Variants in HSPBAP1 observed in about 807,000 individuals in gnomAD.
The protein encoded by HSPBAP1 is HSPB1-associated protein 1.
HSPBAP1 carries 27 observed loss-of-function variants against 45.2 expected under a neutral mutation model. The observed-to-expected ratio is 0.60, with a 90% CI of 0.44 to 0.82. The LOEUF (loss-of-function observed/expected upper bound fraction) is 0.82. Ranked by LOEUF, HSPBAP1 falls within the 40% of genes least tolerant of loss-of-function variation. The probability of loss-of-function intolerance (pLI) is 0.00; values close to 1 mark genes in which losing one functional copy is unlikely to be tolerated. For missense variants in HSPBAP1, 510 were observed against 590.9 expected (o/e 0.86, Z 1.42); for synonymous variants, 204 against 202.7 (o/e 1.01, Z -0.06).
At chr3:122,751,163 A>G (rs768687689) in intron 6 of HSPBAP1, among the ~76,000 whole-genome samples, 2 of 152,218 alleles carry the variant, frequency 1.3e-5, no homozygotes, top group Non-Finnish European at 2.9e-5. Context: ...GCCTACTGAT[A>G]TTCAGTTTTA....
intron 6 of HSPBAP1, among the ~76,000 whole-genome samples, chr3:122,747,331 G>C (rs1426974925): frequency 2.1e-4 from 32 of 148,886 alleles, no homozygotes; most frequent in Admixed American, 6.1e-4. Context: ...AGTGAGGAGC[G>C]TCTCTGCCCG....
At chr3:122,767,766 A>G (rs999572266) in intron 3 of HSPBAP1, among the ~76,000 whole-genome samples, 2 of 152,186 alleles carry the variant, frequency 1.3e-5, no homozygotes, top group Non-Finnish European at 1.5e-5. Flanking sequence ...TAAAAAAGAA[A>G]AATATACACT....
chr3:122,741,426 T>C, intron 6 of HSPBAP1: 1 of 289,120 alleles, frequency 3.5e-6, no homozygotes, highest in Non-Finnish European at 6.6e-6. Flanking sequence ...GTTTTTTTTT[T>C]AAAGTACCAC....
chr3:122,780,163 G>T (rs1334438389), intron 1 of HSPBAP1, among the ~76,000 whole-genome samples: 8 of 99,598 alleles, frequency 8.0e-5, no homozygotes, highest in Admixed American at 4.6e-4. Flanking sequence ...CCTCCTGGAC[G>T]GGGCGGCTGG....
In HSPBAP1 at chr3:122,782,317, A is replaced by G. The variant is rs150995592; in HGVS notation, c.65-4411T>C. On this transcript the variant is annotated intron_variant, in intron 1 of 7. Coordinates refer to ENST00000306103, the MANE Select transcript of HSPBAP1 (RefSeq NM_024610.6). ...AAAAGATGTACTTAGATGGCAATCAATATTAATCCTTGGTTTCAACTGCAT... is the reference window on the plus strand; with the variant it reads ...AAAAGATGTACTTAGATGGCAATCAGTATTAATCCTTGGTTTCAACTGCAT... 4.8e-3 allele frequency among the ~76,000 whole-genome samples: 724 copies of G among 152,344 alleles called. 3 individuals are homozygous for G. Among genetic ancestry groups the G allele is most frequent in the Non-Finnish European group, 6.3e-3 (428 of 68,032 alleles).
chr3:122,775,682 T>C (rs1336354448), intron 2 of HSPBAP1, among the ~76,000 whole-genome samples: 1 of 152,142 alleles, frequency 6.6e-6, no homozygotes, highest in East Asian at 1.9e-4. Flanking sequence ...TCTCATACAT[T>C]GAAGGTGAGA....
chr3:122,781,526 G>C (rs1935479128), intron 1 of HSPBAP1, among the ~76,000 whole-genome samples: 1 of 152,214 alleles, frequency 6.6e-6, no homozygotes, highest in Admixed American at 6.5e-5. Flanking sequence ...CTTCGGCTTG[G>C]CACCAGAGGC....
At chr3:122,779,032 T>A (rs1290090379) in intron 1 of HSPBAP1, among the ~76,000 whole-genome samples, 1 of 147,586 alleles carries the variant, frequency 6.8e-6, no homozygotes. Flanking sequence ...TTCATTTTCT[T>A]TCTTTTTCTT....
chr3:122,759,500 G>A (rs191748384), intron 3 of HSPBAP1, 140 bp from the exon 4 acceptor site: 4 of 892,978 alleles, frequency 4.5e-6, no homozygotes, highest in Admixed American at 2.2e-5. Context: ...GAAGAGGTTA[G>A]GTTTCCAGGG....
intron 1 of HSPBAP1, among the ~76,000 whole-genome samples, chr3:122,789,864 CT>C (rs368711372): frequency 9.4e-4 from 129 of 137,108 alleles, no homozygotes; most frequent in Admixed American, 1.4e-3. Context: ...GCCAAAGCTT[CT>C]TTTTTTTTTT....
intron 3 of HSPBAP1, among the ~76,000 whole-genome samples, chr3:122,762,357 C>A (rs932733690): frequency 3.9e-5 from 6 of 151,970 alleles, no homozygotes; most frequent in Non-Finnish European, 8.8e-5. Context: ...TGTCAACAGC[C>A]CTAAAGCCTG....
intron 6 of HSPBAP1, among the ~76,000 whole-genome samples, chr3:122,749,041 A>G (rs1934030773): frequency 6.6e-6 from 1 of 152,068 alleles, no homozygotes. Context: ...ATATATTTGA[A>G]TAAGTATATA....
chr3:122,781,454 C>T (rs1307683802), intron 1 of HSPBAP1, among the ~76,000 whole-genome samples: 1 of 151,710 alleles, frequency 6.6e-6, no homozygotes, highest in Non-Finnish European at 1.5e-5. Context: ...ACTCGGCAGG[C>T]TGAGGCAGGA....
At chr3:122,778,724 G>A (rs1935284924) in intron 1 of HSPBAP1, among the ~76,000 whole-genome samples, 1 of 151,918 alleles carries the variant, frequency 6.6e-6, no homozygotes, top group African/African-American at 2.4e-5. Flanking sequence ...TAGAGACGGG[G>A]TTTCACTGTA....
In HSPBAP1 at chr3:122,741,058, G is replaced by T. The variant is rs760799527; in HGVS notation, c.881C>A (p.Ala294Asp). ...TTGTGGATTCTCTGCAGTTTTCAGG[G>T]CACACACAAGCATACGGGTGATTGC... ...EEAITRMLVC[A>D]LKTAENPQNT... Residue 294 changes from alanine to aspartate, a missense_variant, in exon 7 of 8, where the codon GCC (alanine) becomes GAC (aspartate). Coordinates refer to ENST00000306103, the MANE Select transcript of HSPBAP1 (RefSeq NM_024610.6). The T allele has an allele frequency of 1.2e-6, 2 of 1,613,956 alleles. No individual in the cohort carries two copies. Among genetic ancestry groups the T allele is most frequent in the South Asian group, 2.2e-5 (2 of 91,078 alleles).
chr3:122,745,851 TC>T (rs1212902796), intron 6 of HSPBAP1, among the ~76,000 whole-genome samples: 1 of 152,190 alleles, frequency 6.6e-6, no homozygotes, highest in African/African-American at 2.4e-5. Flanking sequence ...AAATCTTCTA[TC>T]TACAAAACTG....
At chr3:122,762,303 T>G (rs974164782) in intron 3 of HSPBAP1, among the ~76,000 whole-genome samples, 9 of 151,984 alleles carry the variant, frequency 5.9e-5, no homozygotes, top group African/African-American at 1.9e-4. Context: ...CACAGCAGCA[T>G]TAACTTTTCC....
intron 1 of HSPBAP1, among the ~76,000 whole-genome samples, chr3:122,779,677 T>C (rs1427811029): frequency 1.3e-5 from 2 of 149,606 alleles, no homozygotes; most frequent in South Asian, 2.1e-4. Flanking sequence ...TTTGTGTCCC[T>C]GATTACTTGA....
At chr3:122,754,727 G>C (rs1934280374) in intron 5 of HSPBAP1, 1 of 985,370 alleles carries the variant, frequency 1.0e-6, no homozygotes, top group Non-Finnish European at 1.2e-6. Flanking sequence ...TCCTCACTGG[G>C]AAGCAGCACT....
Sources: allele counts gnomAD v4.1 joint callset (sites outside exome capture counted in the v4.1 genomes callset), GRCh38; gene constraint gnomAD v4.1.1; transcripts MANE v1.5; gene names NCBI Gene and HGNC (gene_info 2026-07-23, HGNC 2026-07-21).